The following RBM39 variants were observed in gnomAD, a reference collection of about 807,000 sequenced individuals.
The protein encoded by RBM39 is RNA binding motif protein 39.
In RBM39, 12 loss-of-function variants were observed where a neutral mutation model predicts 79.6. That is an observed-to-expected ratio of 0.15 (90% CI 0.10 to 0.24). RBM39 has a LOEUF of 0.24. Ranked by LOEUF, RBM39 falls within the 10% of genes least tolerant of loss-of-function variation. The pLI, the probability that RBM39 is intolerant of heterozygous loss-of-function variation, is 1.00. For missense variants in RBM39, 243 were observed against 653.4 expected (o/e 0.37, Z 6.85); for synonymous variants, 185 against 208.4 (o/e 0.89, Z 0.97).
At chr20:35,730,043 CT>C (rs1296081353) in intron 4 of RBM39, among the ~76,000 whole-genome samples, 5 of 152,084 alleles carry the variant, frequency 3.3e-5, no homozygotes, top group African/African-American at 4.8e-5. Context: ...AAAGTGAATT[CT>C]TTAGTCATGC....
At chr20:35,720,078 C>G (rs1168042341) in intron 9 of RBM39, 19 of 165,564 alleles carry the variant, frequency 1.1e-4, no homozygotes, top group South Asian at 7.8e-4. Flanking sequence ...TGAGCCACTG[C>G]ACCTGGCCAG....
At chr20:35,739,341 G>C (rs754595025) in intron 2 of RBM39, 9 of 454,764 alleles carry the variant, frequency 2.0e-5, no homozygotes, top group Non-Finnish European at 3.6e-5. Flanking sequence ...CATAAAACAT[G>C]AAGTCCTGTT....
At chr20:35,711,840 A>G (rs940828720) in intron 12 of RBM39, among the ~76,000 whole-genome samples, 2 of 152,054 alleles carry the variant, frequency 1.3e-5, no homozygotes, top group African/African-American at 2.4e-5. Context: ...CTCACTTCGT[A>G]TATATATATA....
rs1279634411 is a variant in RBM39 at position 35,714,147 on chromosome 20, C to T, written c.1096+38G>A. The T allele has an allele frequency of 3.8e-6, 6 of 1,587,266 alleles. No homozygotes were observed. The African/African-American group carries it at 4.0e-5, about 11-fold the overall frequency. On this transcript the variant is annotated intron_variant, in intron 11 of 16. Coordinates refer to ENST00000253363, the MANE Select transcript of RBM39 (RefSeq NM_184234.3). ...GCTACCTTTCTTTTCCACTACAATA[C>T]CCACAGTAAATCATTCGTAATAGCA... is the stretch of plus-strand genomic sequence containing the variant.
chr20:35,703,781 C>T lies in RBM39; in HGVS notation c.*700G>A, dbSNP rs978637416. 1 of 152,550 alleles carries T rather than the reference C, an allele frequency of 6.6e-6. No homozygotes were observed. Among genetic ancestry groups the T allele is most frequent in the Admixed American group, 6.5e-5 (1 of 15,286 alleles). The allele number at this position is 152,550 out of a possible 1,614,324, so 9.4% of individuals were successfully genotyped here. On this transcript the variant is annotated 3_prime_UTR_variant, in exon 17 of 17. Coordinates refer to ENST00000253363, the MANE Select transcript of RBM39 (RefSeq NM_184234.3). ...AGAGCAAAGATTATATGCAACCAGA[C>T]AAAACCTATTTCTGCATTTCCTATT... is the stretch of plus-strand genomic sequence containing the variant.
At chr20:35,704,936 TTTATC>T in intron 15 of RBM39, 190 bp from the exon 16 acceptor site, 1 of 607,158 alleles carries the variant, frequency 1.6e-6, no homozygotes, top group South Asian at 2.1e-5. Context: ...AATTTGCCGT[TTTATC>T]TTTTCTCTAC....
intron 12 of RBM39, among the ~76,000 whole-genome samples, chr20:35,710,128 T>G (rs1478228928): frequency 6.6e-6 from 1 of 152,170 alleles, no homozygotes; most frequent in Non-Finnish European, 1.5e-5. Context: ...GTTCTTTTTA[T>G]AGAAATATAT....
intron 3 of RBM39, among the ~76,000 whole-genome samples, chr20:35,738,230 T>C (rs1305514570): frequency 1.3e-5 from 2 of 151,396 alleles, no homozygotes; most frequent in African/African-American, 4.9e-5. Flanking sequence ...ACTGCGCCAC[T>C]GCGCTCCAGC....
At chr20:35,714,992 T>C (rs1569006572) in intron 10 of RBM39, among the ~76,000 whole-genome samples, 1 of 152,202 alleles carries the variant, frequency 6.6e-6, no homozygotes, top group African/African-American at 2.4e-5. Context: ...TCATAAATTT[T>C]CTCCTTTCAC....
At chr20:35,707,771 A>G (rs2035922374) in intron 13 of RBM39, 1 of 265,492 alleles carries the variant, frequency 3.8e-6, no homozygotes, top group Non-Finnish European at 7.9e-6. Flanking sequence ...TGTTTTAAAA[A>G]TGTTTTCGCA....
intron 3 of RBM39, chr20:35,734,908 T>C: frequency 1.9e-6 from 3 of 1,570,974 alleles, no homozygotes; most frequent in Non-Finnish European, 2.6e-6. Flanking sequence ...AAAGGGACTT[T>C]CCAAAGTCTT....
intron 12 of RBM39, among the ~76,000 whole-genome samples, chr20:35,710,970 T>C (rs1279756280): frequency 1.3e-5 from 2 of 152,190 alleles, no homozygotes; most frequent in Admixed American, 1.3e-4. Context: ...TCAAACAATC[T>C]TAATATATAC....
At chr20:35,707,942 T>A in intron 13 of RBM39, 2 of 465,176 alleles carry the variant, frequency 4.3e-6, no homozygotes, top group Non-Finnish European at 8.9e-6. Flanking sequence ...GAACTCACCG[T>A]AATCATATTA....
intron 14 of RBM39, among the ~76,000 whole-genome samples, chr20:35,705,876 T>C (rs1198784735): frequency 6.6e-6 from 1 of 152,098 alleles, no homozygotes; most frequent in Non-Finnish European, 1.5e-5. Flanking sequence ...CATCCTACTT[T>C]ATGACTCTGC....
chr20:35,722,396 G>A (rs2038054357), intron 8 of RBM39, among the ~76,000 whole-genome samples: 1 of 141,328 alleles, frequency 7.1e-6, no homozygotes, highest in Non-Finnish European at 1.5e-5. Context: ...GACAGAGTGA[G>A]ACTCAGTCTC....
chr20:35,740,313 A>C, intron 2 of RBM39: 1 of 307,200 alleles, frequency 3.3e-6, no homozygotes, highest in Non-Finnish European at 6.5e-6. Context: ...ACATAGATAC[A>C]TAAATTTTAA....
At chr20:35,723,382 C>T (rs1569032600) in intron 8 of RBM39, among the ~76,000 whole-genome samples, 1 of 152,138 alleles carries the variant, frequency 6.6e-6, no homozygotes, top group Non-Finnish European at 1.5e-5. Flanking sequence ...CCCTGGGTCC[C>T]GCCAATGCAC....
chr20:35,737,997 T>C (rs1224794730), intron 3 of RBM39, among the ~76,000 whole-genome samples: 3 of 135,650 alleles, frequency 2.2e-5, no homozygotes, highest in Non-Finnish European at 4.8e-5. Flanking sequence ...CTACTAAAAA[T>C]AAAAAAAAAA....
At chr20:35,729,648 A>T in intron 4 of RBM39, 121 bp from the exon 5 acceptor site, 1 of 850,408 alleles carries the variant, frequency 1.2e-6, no homozygotes, top group South Asian at 1.7e-5. Context: ...TCAGTTATGA[A>T]GAGGAAACAA....
Sources: allele counts gnomAD v4.1 joint callset (sites outside exome capture counted in the v4.1 genomes callset), GRCh38; gene constraint gnomAD v4.1.1; transcripts MANE v1.5; gene names NCBI Gene and HGNC (gene_info 2026-07-23, HGNC 2026-07-21).